The following GMDS variants were observed in gnomAD, a reference collection of about 807,000 sequenced individuals.
GMDS encodes GDP-mannose 4,6-dehydratase, also known as GDP-mannose 4,6 dehydratase.
GMDS carries 20 observed loss-of-function variants against 49.9 expected under a neutral mutation model. The ratio of observed to expected loss-of-function variants is 0.40; its 90% CI spans 0.28 to 0.58. The LOEUF (loss-of-function observed/expected upper bound fraction) is 0.58. GMDS is among the 20% of genes least tolerant of loss of function. The pLI is 0.42. For missense variants in GMDS, 362 were observed against 481.4 expected (o/e 0.75, Z 2.32); for synonymous variants, 177 against 178.6 (o/e 0.99, Z 0.07).
At chr6:1,628,378 C>T (rs1010860800) in intron 9 of GMDS, among the ~76,000 whole-genome samples, 8 of 152,220 alleles carry the variant, frequency 5.3e-5, no homozygotes, top group African/African-American at 1.4e-4. Flanking sequence ...TTCCTTCCCC[C>T]GATGTTATTT....
intron 4 of GMDS, among the ~76,000 whole-genome samples, chr6:1,988,696 A>G (rs892836209): frequency 3.3e-5 from 5 of 152,256 alleles, no homozygotes; most frequent in African/African-American, 4.8e-5. Flanking sequence ...AGTATTGTCA[A>G]TGTTTAAAAA....
chr6:1,780,467 C>T (rs997695390), intron 7 of GMDS, among the ~76,000 whole-genome samples: 2 of 152,246 alleles, frequency 1.3e-5, no homozygotes, highest in Admixed American at 6.5e-5. Context: ...AGCGCTTCCT[C>T]TGCTGGCCTG....
chr6:1,643,884 C>T (rs976655253), intron 9 of GMDS, among the ~76,000 whole-genome samples: 2 of 152,108 alleles, frequency 1.3e-5, no homozygotes, highest in Non-Finnish European at 2.9e-5. Flanking sequence ...AAAAAAAGTC[C>T]TTTTAAAAAC....
Position 1,640,402 on chromosome 6 carries a change from G to A in GMDS, c.988-15862C>T, listed in dbSNP as rs1254376524. Among the ~76,000 whole-genome samples the A allele has an allele frequency of 6.6e-6, 1 of 152,138 alleles. No homozygotes were observed. The highest frequency in any genetic ancestry group is 6.5e-5 in the Admixed American group (1 of 15,290). On this transcript the variant is annotated intron_variant, in intron 9 of 10. Coordinates refer to ENST00000380815, the MANE Select transcript of GMDS (RefSeq NM_001500.4). The surrounding 1 kb of genome is among the most constrained non-coding windows in gnomAD (Gnocchi z 4.0). The stretch of plus-strand genomic sequence containing the variant: ...CATGCCACACCTGCAGGTGTGTTAT[G>A]CACCTGTCACGGGGTAAGGCCTTCC...
At chr6:1,859,292 G>C (rs1467054717) in intron 7 of GMDS, among the ~76,000 whole-genome samples, 1 of 152,128 alleles carries the variant, frequency 6.6e-6, no homozygotes, top group African/African-American at 2.4e-5. Flanking sequence ...CTTGGACAAT[G>C]GCCCTCTACA....
At chr6:1,686,014 A>G (rs566080098) in intron 9 of GMDS, among the ~76,000 whole-genome samples, 12 of 152,056 alleles carry the variant, frequency 7.9e-5, no homozygotes, top group Non-Finnish European at 1.3e-4. Context: ...CCGTGGAGTC[A>G]TTTTCTGAGA....
At chr6:2,202,465 C>T (rs112745755) in intron 1 of GMDS, among the ~76,000 whole-genome samples, 2 of 150,006 alleles carry the variant, frequency 1.3e-5, no homozygotes, top group African/African-American at 4.9e-5. Context: ...ATACAATCTT[C>T]TCTGACATTG....
At position 1,711,032 on chromosome 6, in the gene GMDS, A is replaced by G. The variant is rs144147842; in HGVS notation, c.987+15384T>C. ...AGAAAGGAGCCGGACCTGGCAGTTC[A>G]GCTTTGTTTTCTCCGCATGGACAGC... On this transcript the variant is annotated intron_variant, in intron 9 of 10. Coordinates refer to ENST00000380815, the MANE Select transcript of GMDS (RefSeq NM_001500.4). Among the ~76,000 whole-genome samples the G allele has an allele frequency of 8.2e-4, 125 of 152,334 alleles. No homozygotes were observed. In the East Asian group the frequency reaches 0.021, roughly 25 times the overall value.
intron 1 of GMDS, among the ~76,000 whole-genome samples, chr6:2,141,031 T>C (rs1776259631): frequency 6.6e-6 from 1 of 152,056 alleles, no homozygotes; most frequent in Admixed American, 6.5e-5. Flanking sequence ...CATAAAAGAA[T>C]GAAAGAAGTG....
chr6:1,832,158 C>T (rs1756677260), intron 7 of GMDS, among the ~76,000 whole-genome samples: 2 of 151,122 alleles, frequency 1.3e-5, no homozygotes, highest in Admixed American at 1.3e-4. Flanking sequence ...GCTATATTGC[C>T]CAGGCTGGTC....
intron 4 of GMDS, among the ~76,000 whole-genome samples, chr6:2,077,543 A>C (rs1029664055): frequency 6.6e-6 from 1 of 152,008 alleles, no homozygotes; most frequent in African/African-American, 2.4e-5. Context: ...AGATGATCGT[A>C]TGTTTTTTAT....
chr6:1,710,955 C>A (rs900197955), intron 9 of GMDS, among the ~76,000 whole-genome samples: 2 of 152,170 alleles, frequency 1.3e-5, no homozygotes, highest in African/African-American at 2.4e-5. Context: ...TTACAAAATA[C>A]GTACACCTAT....
At chr6:2,075,264 C>T (rs930524657) in intron 4 of GMDS, among the ~76,000 whole-genome samples, 1 of 151,022 alleles carries the variant, frequency 6.6e-6, no homozygotes, top group Non-Finnish European at 1.5e-5. Flanking sequence ...TTTTTTTTTA[C>T]AGGAAAGTGG....
At chr6:1,730,207 C>A in intron 8 of GMDS, among the ~76,000 whole-genome samples, 1 of 152,196 alleles carries the variant, frequency 6.6e-6, no homozygotes, top group East Asian at 1.9e-4. Context: ...GAAGCATTAG[C>A]TTCTGGATAA....
At chr6:1,761,897 C>A (rs1768172007) in intron 7 of GMDS, among the ~76,000 whole-genome samples, 1 of 151,750 alleles carries the variant, frequency 6.6e-6, no homozygotes, top group African/African-American at 2.4e-5. Flanking sequence ...AAAAGCAACA[C>A]TGGAGACGAA....
At chr6:1,638,251 T>C (rs1413859227) in intron 9 of GMDS, among the ~76,000 whole-genome samples, 1 of 152,030 alleles carries the variant, frequency 6.6e-6, no homozygotes, top group Non-Finnish European at 1.5e-5. Flanking sequence ...AGCCCCACAC[T>C]AAAAAAGCCT....
At chr6:1,987,088 C>T (rs1457652742) in intron 4 of GMDS, among the ~76,000 whole-genome samples, 1 of 152,174 alleles carries the variant, frequency 6.6e-6, no homozygotes, top group East Asian at 1.9e-4. Flanking sequence ...TTTGCTTACA[C>T]AAGCCAGAGC....
chr6:2,028,332 T>C (rs1161142445), intron 4 of GMDS, among the ~76,000 whole-genome samples: 1 of 152,220 alleles, frequency 6.6e-6, no homozygotes, highest in Non-Finnish European at 1.5e-5. Context: ...CTAAACACAT[T>C]TTTAAACCCT....
intron 8 of GMDS, among the ~76,000 whole-genome samples, chr6:1,730,088 T>C (rs202239023): frequency 6.6e-6 from 1 of 152,142 alleles, no homozygotes; most frequent in East Asian, 1.9e-4. Context: ...GACCCAAATA[T>C]CATAAAAGCG....
Sources: allele counts gnomAD v4.1 joint callset (sites outside exome capture counted in the v4.1 genomes callset), GRCh38; gene constraint gnomAD v4.1.1; non-coding constraint Gnocchi (gnomAD v3.1); transcripts MANE v1.5; gene names NCBI Gene and HGNC (gene_info 2026-07-23, HGNC 2026-07-21).